DLG2: variants seen among roughly 807,000 people sequenced by gnomAD.
The protein encoded by DLG2 is discs large MAGUK scaffold protein 2.
Under a neutral mutation model 132.5 loss-of-function variants are expected in DLG2, and 45 were observed. The ratio of observed to expected loss-of-function variants is 0.34; its 90% CI spans 0.27 to 0.44. DLG2 has a LOEUF of 0.44. Among genes scored for constraint, DLG2 ranks in the 20% least tolerant of loss-of-function variants. DLG2 has a pLI of 1.00. For synonymous variants in DLG2, 424 were observed against 419.6 expected, an observed-to-expected ratio of 1.01 and a Z score of -0.13; for missense variants, 1,045 against 1,196.9, an observed-to-expected ratio of 0.87 and a Z score of 1.87.
chr11:84,084,772 T>C (rs1488201789), intron 10 of DLG2, among the ~76,000 whole-genome samples: 2 of 152,190 alleles, frequency 1.3e-5, no homozygotes, highest in South Asian at 2.1e-4. Flanking sequence ...TTCTGGGATA[T>C]AGTTTAAAGA....
chr11:83,579,499 C>A (rs1423667187), intron 19 of DLG2, among the ~76,000 whole-genome samples: 1 of 152,008 alleles, frequency 6.6e-6, no homozygotes, highest in Non-Finnish European at 1.5e-5. Context: ...AAAATTAATG[C>A]AAATTATGTG....
intron 5 of DLG2, among the ~76,000 whole-genome samples, chr11:85,138,886 C>T (rs544673050): frequency 2.0e-5 from 3 of 152,196 alleles, no homozygotes; most frequent in East Asian, 3.9e-4. Flanking sequence ...TGAAAACGAA[C>T]TAATACATAC....
At chr11:83,650,927 CCTT>C (rs1230689804) in intron 18 of DLG2, among the ~76,000 whole-genome samples, 16 of 152,096 alleles carry the variant, frequency 1.1e-4, no homozygotes, top group Non-Finnish European at 1.5e-5. Flanking sequence ...ATGGCATACT[CCTT>C]CTCCTTCTTT....
chr11:83,769,853 C>T (rs1290980496), intron 18 of DLG2, among the ~76,000 whole-genome samples: 1 of 152,128 alleles, frequency 6.6e-6, no homozygotes, highest in Non-Finnish European at 1.5e-5. Flanking sequence ...GCGTGAGCCA[C>T]TGTGCCCCGC....
At chr11:83,538,877 C>T (rs552849084) in intron 20 of DLG2, among the ~76,000 whole-genome samples, 2 of 152,248 alleles carry the variant, frequency 1.3e-5, no homozygotes, top group Admixed American at 6.5e-5. Context: ...CAGATGCTGC[C>T]CAAGCAATGC....
intron 6 of DLG2, among the ~76,000 whole-genome samples, chr11:84,688,297 C>T (rs772902196): frequency 1.3e-5 from 2 of 152,122 alleles, no homozygotes; most frequent in Admixed American, 1.3e-4. Context: ...CTCACCACTG[C>T]CCACAACTCT....
chr11:84,661,704 G>A (rs749502895), intron 6 of DLG2, among the ~76,000 whole-genome samples: 2 of 152,104 alleles, frequency 1.3e-5, no homozygotes, highest in Admixed American at 1.3e-4. Context: ...TCAGGTGGGG[G>A]AAATGGTGTT....
intron 3 of DLG2, among the ~76,000 whole-genome samples, chr11:85,495,323 A>G (rs748471798): frequency 2.6e-5 from 4 of 152,196 alleles, no homozygotes; most frequent in Non-Finnish European, 5.9e-5. Context: ...TCTCTTAGAA[A>G]TATACTCTAG....
intron 6 of DLG2, among the ~76,000 whole-genome samples, chr11:85,000,417 A>AT (rs565422982): frequency 9.9e-5 from 15 of 152,190 alleles, no homozygotes; most frequent in Admixed American, 2.6e-4. Context: ...TTAAGGCCTT[A>AT]TTTTTTTAAA....
At chr11:84,457,501 T>A (rs1484633836) in intron 7 of DLG2, among the ~76,000 whole-genome samples, 1 of 151,046 alleles carries the variant, frequency 6.6e-6, no homozygotes, top group Non-Finnish European at 1.5e-5. Flanking sequence ...AATGCCAAAC[T>A]GTATGGCAGA....
chr11:83,855,944 C>A (rs565048008), intron 16 of DLG2, among the ~76,000 whole-genome samples: 1 of 152,102 alleles, frequency 6.6e-6, no homozygotes, highest in Non-Finnish European at 1.5e-5. Flanking sequence ...AGGTGTTAAG[C>A]CTAGTATCTA....
At chr11:85,571,809 C>T (rs192254783) in intron 3 of DLG2, among the ~76,000 whole-genome samples, 21 of 152,254 alleles carry the variant, frequency 1.4e-4, no homozygotes, top group African/African-American at 4.8e-4. Context: ...ATGCTTTTGA[C>T]TAATGTACCA....
chr11:84,059,421 C>A lies in DLG2; in HGVS notation c.813G>T (p.Ala271=), dbSNP rs748541834. 2 of 1,613,388 alleles carry A rather than the reference C, an allele frequency of 1.2e-6. No individual in the cohort carries two copies. Among genetic ancestry groups the A allele is most frequent in the South Asian group, 2.2e-5 (2 of 90,948 alleles). ...ACCCTGCTTCCTTCAGGGCTTCCACCGCTTTACTGTGGGAAACCTCTGACA... is the reference window on the plus strand; with the variant it reads ...ACCCTGCTTCCTTCAGGGCTTCCACAGCTTTACTGTGGGAAACCTCTGACA... ...VDVSEVSHSK[A]VEALKEAGSI... The change falls in exon 11 of 28, where the codon GCG becomes GCT. Residue 271 remains alanine (A), a synonymous_variant. Transcript: ENST00000376104.
At chr11:85,513,004 C>A (rs1234668014) in intron 3 of DLG2, among the ~76,000 whole-genome samples, 3 of 151,956 alleles carry the variant, frequency 2.0e-5, no homozygotes, top group Non-Finnish European at 4.4e-5. Context: ...TGGAATACTA[C>A]ACAGCCATAA....
At chr11:83,718,541 A>G (rs1359721340) in intron 18 of DLG2, among the ~76,000 whole-genome samples, 1 of 151,084 alleles carries the variant, frequency 6.6e-6, no homozygotes, top group Admixed American at 6.6e-5. Flanking sequence ...AGAAAAAAAA[A>G]AAAAAAAAAA....
chr11:83,998,722 G>T (rs1405810266), intron 11 of DLG2, among the ~76,000 whole-genome samples: 1 of 152,118 alleles, frequency 6.6e-6, no homozygotes, highest in African/African-American at 2.4e-5. Context: ...GTTGCACTGG[G>T]TCTTACACAC....
chr11:85,196,104 CT>C (rs1565142459), intron 4 of DLG2, among the ~76,000 whole-genome samples: 1 of 152,166 alleles, frequency 6.6e-6, no homozygotes, highest in Non-Finnish European at 1.5e-5. Context: ...TCCTTTTATA[CT>C]TAGGGAAACA....
At chr11:85,180,906 C>T (rs2079646777) in intron 4 of DLG2, among the ~76,000 whole-genome samples, 2 of 151,698 alleles carry the variant, frequency 1.3e-5, no homozygotes, top group Non-Finnish European at 3.0e-5. Context: ...TACACAGCTA[C>T]CAAAAGGTAG....
At chr11:83,832,633 T>C (rs1056583582) in intron 17 of DLG2, among the ~76,000 whole-genome samples, 9 of 152,184 alleles carry the variant, frequency 5.9e-5, no homozygotes, top group East Asian at 1.9e-4. Flanking sequence ...AGGGAAATGA[T>C]TGAAAAACTA....
Sources: gnomAD v4.1 joint callset for allele counts (sites outside exome capture counted in the v4.1 genomes callset) on GRCh38, gnomAD v4.1.1 for gene constraint, MANE v1.5 for transcripts, NCBI Gene and HGNC (gene_info 2026-07-23, HGNC 2026-07-21) for gene names.